Variants in NLGN1 observed in about 807,000 individuals in gnomAD.
NLGN1 encodes the protein neuroligin-1.
In NLGN1, 12 loss-of-function variants were observed where a neutral mutation model predicts 65.5. The observed-to-expected ratio is 0.18, with a 90% CI of 0.12 to 0.30. The LOEUF is 0.30. Among genes scored for constraint, NLGN1 ranks in the 10% least tolerant of loss-of-function variants. The pLI, the probability that NLGN1 is intolerant of heterozygous loss-of-function variation, is 1.00. For missense variants in NLGN1, 750 were observed against 1,007.1 expected (o/e 0.74, Z 3.46); for synonymous variants, 350 against 359.5 (o/e 0.97, Z 0.30).
intron 2 of NLGN1, among the ~76,000 whole-genome samples, chr3:173,506,469 C>T (rs1257468432): frequency 6.6e-6 from 1 of 152,030 alleles, no homozygotes; most frequent in Non-Finnish European, 1.5e-5. Context: ...ACACACCACA[C>T]TAGTAACTAG....
intron 4 of NLGN1, among the ~76,000 whole-genome samples, chr3:173,896,937 A>G (rs759789731): frequency 1.4e-4 from 22 of 152,152 alleles, no homozygotes; most frequent in African/African-American, 2.7e-4. Context: ...AGTGATCACA[A>G]ACTGCCCTGA....
At chr3:174,197,034 G>A (rs9878266) in intron 4 of NLGN1, among the ~76,000 whole-genome samples, 119,002 of 152,120 alleles carry the variant, frequency 0.78, 46,889 homozygotes, top group African/African-American at 0.88. Context: ...CATTTGGAGC[G>A]TCTCCTGTTG....
chr3:173,641,723 A>G (rs1342013144), intron 3 of NLGN1, among the ~76,000 whole-genome samples: 1 of 152,218 alleles, frequency 6.6e-6, no homozygotes. Flanking sequence ...AGATGTTAAT[A>G]CTAGGTTTAA....
At chr3:173,890,306 G>C (rs987042160) in intron 4 of NLGN1, among the ~76,000 whole-genome samples, 5 of 152,090 alleles carry the variant, frequency 3.3e-5, no homozygotes, top group African/African-American at 1.2e-4. Flanking sequence ...AATGGTCAGA[G>C]GTTTGTTCAG....
At chr3:173,473,063 T>C (rs1428518758) in intron 2 of NLGN1, among the ~76,000 whole-genome samples, 1 of 152,148 alleles carries the variant, frequency 6.6e-6, no homozygotes, top group African/African-American at 2.4e-5. Flanking sequence ...TATTTTCAAG[T>C]ATAAGAATTT....
At chr3:173,539,668 C>CATATATAACATACATATATGT (rs1560406286) in intron 2 of NLGN1, among the ~76,000 whole-genome samples, 2 of 66,052 alleles carry the variant, frequency 3.0e-5, no homozygotes, top group African/African-American at 7.5e-5. Flanking sequence ...TGTATATATG[C>CATATATAACATACATATATGT]ACATATATAA....
intron 2 of NLGN1, among the ~76,000 whole-genome samples, chr3:173,601,500 A>G (rs898313934): frequency 6.6e-6 from 1 of 152,032 alleles, no homozygotes; most frequent in Non-Finnish European, 1.5e-5. Flanking sequence ...AGCTTTAAAT[A>G]GTATTTGCTG....
At chr3:173,734,989 TC>T (rs202246175) in intron 3 of NLGN1, among the ~76,000 whole-genome samples, 1 of 152,086 alleles carries the variant, frequency 6.6e-6, no homozygotes, top group African/African-American at 2.4e-5. Flanking sequence ...CAAAGGTTTT[TC>T]TTTTTCCTTT....
chr3:173,608,812 C>G (rs183294962), intron 3 of NLGN1, among the ~76,000 whole-genome samples: 22 of 151,748 alleles, frequency 1.4e-4, no homozygotes, highest in Admixed American at 1.2e-3. Context: ...ATCAGTTGAC[C>G]GTATTTTAGA....
chr3:173,857,498 T>A (rs1331526769), intron 4 of NLGN1, among the ~76,000 whole-genome samples: 2 of 152,080 alleles, frequency 1.3e-5, no homozygotes, highest in African/African-American at 4.8e-5. Context: ...GTTTTTCTGC[T>A]TCTCCCACCT....
chr3:174,018,635 G>A (rs959443439), intron 4 of NLGN1, among the ~76,000 whole-genome samples: 4 of 152,056 alleles, frequency 2.6e-5, no homozygotes, highest in Non-Finnish European at 4.4e-5. Flanking sequence ...ATCTAGAAAC[G>A]TTCTTAAAAC....
intron 2 of NLGN1, among the ~76,000 whole-genome samples, chr3:173,552,803 T>G (rs2149269201): frequency 6.6e-6 from 1 of 152,294 alleles, no homozygotes; most frequent in East Asian, 1.9e-4. Context: ...CATCATTTGT[T>G]TATACATGTG....
chr3:174,202,775 C>T (rs1734710133), intron 4 of NLGN1: 1 of 152,164 alleles, frequency 6.6e-6, no homozygotes, highest in African/African-American at 2.4e-5. Flanking sequence ...ACAAGAAAAT[C>T]TGTTATTCAA....
At chr3:173,804,848 G>A (rs996865309) in intron 3 of NLGN1, among the ~76,000 whole-genome samples, 2 of 151,984 alleles carry the variant, frequency 1.3e-5, no homozygotes, top group African/African-American at 4.8e-5. Flanking sequence ...CCAACATAGT[G>A]AAACCCCATC....
chr3:173,780,393 A>G (rs1267458333), intron 3 of NLGN1, among the ~76,000 whole-genome samples: 1 of 152,222 alleles, frequency 6.6e-6, no homozygotes, highest in African/African-American at 2.4e-5. Flanking sequence ...TATGAATCTC[A>G]AATAAGACTC....
At chr3:173,491,422 G>A (rs1729144004) in intron 2 of NLGN1, among the ~76,000 whole-genome samples, 1 of 151,738 alleles carries the variant, frequency 6.6e-6, no homozygotes, top group Non-Finnish European at 1.5e-5. Context: ...TGTTGAACCA[G>A]CCTTGCATCT....
At chr3:173,605,009 T>C in exon 3 of NLGN1, 5 of 1,613,460 alleles carry the variant, frequency 3.1e-6, no homozygotes, top group Non-Finnish European at 4.2e-6. Context: ...GGTTTACTAA[T>C]AACTTGGATG....
At chr3:173,753,102 T>C (rs1776540626) in intron 3 of NLGN1, among the ~76,000 whole-genome samples, 2 of 152,104 alleles carry the variant, frequency 1.3e-5, no homozygotes, top group African/African-American at 4.8e-5. Context: ...TTCGTCAGCA[T>C]GTGAACATGC....
rs374132041 is a variant in NLGN1, at chr3:174,280,433, TA to T, written c.1650-42del. 2 of 1,311,470 alleles carry T rather than the reference TA, an allele frequency of 1.5e-6. No homozygotes were observed. The highest frequency in any genetic ancestry group is 2.4e-5 in the East Asian group (1 of 41,046). The allele number at this position is 1,311,470 out of a possible 1,614,324, so 81.2% of individuals were successfully genotyped here. On this transcript the variant is annotated intron_variant, in intron 6 of 6. Transcript: ENST00000457714. This position sits in a 1 kb window ranked among gnomAD's most constrained non-coding sequence, Gnocchi z 4.9. Reference sequence around the variant, plus strand: ...GATGTTAAAGTAGTGTGATTTTAAGTAAAAAATAAAATAGCTTTATTCTCAT... The same window carrying T: ...GATGTTAAAGTAGTGTGATTTTAAGTAAAAATAAAATAGCTTTATTCTCAT...
Sources: gnomAD v4.1 joint callset for allele counts (sites outside exome capture counted in the v4.1 genomes callset) on GRCh38, gnomAD v4.1.1 for gene constraint, Gnocchi (gnomAD v3.1) non-coding constraint, MANE v1.5 for transcripts, NCBI Gene and HGNC (gene_info 2026-07-23, HGNC 2026-07-21) for gene names.